Variants in CCDC178 observed in about 807,000 individuals in gnomAD.
CCDC178 encodes coiled-coil domain containing 178, also known as coiled-coil domain-containing protein 178.
A neutral mutation model predicts 117.4 loss-of-function variants in CCDC178; 126 were observed. That is an observed-to-expected ratio of 1.07 (90% CI 0.93 to 1.24). The LOEUF (loss-of-function observed/expected upper bound fraction) is 1.24, where lower values mean the gene tolerates loss of function less well. CCDC178 is among the 50% of genes most tolerant of loss of function. The probability of loss-of-function intolerance (pLI) is 0.00; values close to 1 mark genes in which losing one functional copy is unlikely to be tolerated. For synonymous variants in CCDC178, 283 were observed against 313.4 expected (o/e 0.90, Z 1.02); for missense variants, 1,030 against 986.9 (o/e 1.04, Z -0.59).
At chr18:33,241,841 A>G (rs1004978613) in intron 15 of CCDC178, among the ~76,000 whole-genome samples, 4 of 151,792 alleles carry the variant, frequency 2.6e-5, no homozygotes, top group Non-Finnish European at 5.9e-5. Flanking sequence ...TAACCATACT[A>G]TTCAAATCAA....
At chr18:33,192,258 A>G (rs1193322271) in intron 20 of CCDC178, among the ~76,000 whole-genome samples, 1 of 152,200 alleles carries the variant, frequency 6.6e-6, no homozygotes, top group Non-Finnish European at 1.5e-5. Context: ...TATGAATTCA[A>G]TAAAAATACA....
intron 14 of CCDC178, among the ~76,000 whole-genome samples, chr18:33,262,616 T>G (rs1022981093): frequency 6.6e-6 from 1 of 152,028 alleles, no homozygotes; most frequent in Non-Finnish European, 1.5e-5. Context: ...GCCTGCCACA[T>G]AAAAACACGT....
intron 5 of CCDC178, among the ~76,000 whole-genome samples, chr18:33,389,267 G>T (rs953783489): frequency 6.6e-6 from 1 of 151,936 alleles, no homozygotes; most frequent in Non-Finnish European, 1.5e-5. Flanking sequence ...TCTAGAACAG[G>T]CCAGTCACAG....
At chr18:33,258,292 T>C (rs2059703053) in intron 14 of CCDC178, among the ~76,000 whole-genome samples, 2 of 152,082 alleles carry the variant, frequency 1.3e-5, no homozygotes, top group Non-Finnish European at 2.9e-5. Flanking sequence ...ACCCCTCTCA[T>C]ACAATTTTCT....
At chr18:33,057,609 A>G (rs966409034) in intron 21 of CCDC178, among the ~76,000 whole-genome samples, 1 of 152,076 alleles carries the variant, frequency 6.6e-6, no homozygotes, top group African/African-American at 2.4e-5. Flanking sequence ...CTTCTGTCTC[A>G]GCCTCCTGAG....
intron 22 of CCDC178, among the ~76,000 whole-genome samples, chr18:32,949,711 G>T (rs2054437437): frequency 6.6e-6 from 1 of 151,926 alleles, no homozygotes. Flanking sequence ...TTAATTGATT[G>T]GTTTTTCTCT....
intron 22 of CCDC178, among the ~76,000 whole-genome samples, chr18:32,963,160 G>A (rs927704090): frequency 1.3e-5 from 2 of 152,006 alleles, no homozygotes; most frequent in Non-Finnish European, 2.9e-5. Context: ...CATGGAGGAC[G>A]AAGTTTGACA....
At chr18:33,162,504 G>C (rs2058477697) in intron 20 of CCDC178, among the ~76,000 whole-genome samples, 1 of 152,006 alleles carries the variant, frequency 6.6e-6, no homozygotes, top group South Asian at 2.1e-4. Context: ...ATGTCACAGA[G>C]GTTTGTTGTA....
intron 15 of CCDC178, among the ~76,000 whole-genome samples, chr18:33,234,662 A>T (rs1476693721): frequency 6.6e-6 from 1 of 152,102 alleles, no homozygotes; most frequent in Non-Finnish European, 1.5e-5. Context: ...TTTTTTGAGC[A>T]TATTGACAAT....
chr18:33,179,079 ATATAT>A lies in CCDC178; in HGVS notation c.2238+32812_2238+32816del, dbSNP rs1372544975. On this transcript the variant is annotated intron_variant, in intron 20 of 22. Coordinates refer to ENST00000383096, the MANE Select transcript of CCDC178 (RefSeq NM_001105528.4). Reference sequence around the variant, plus strand: ...CTCAGTAAAAAAAAAAAAAAAAAAAATATATATATATATATATATATATATATATA... The same window carrying A: ...CTCAGTAAAAAAAAAAAAAAAAAAAAATATATATATATATATATATATATA... Among the ~76,000 whole-genome samples the A allele has an allele frequency of 2.4e-3, 106 of 43,838 alleles. 5 individuals carry two copies. The highest frequency in any genetic ancestry group is 7.0e-3 in the African/African-American group (42 of 5,964). 28.8% of individuals were successfully genotyped at this position (43,838 alleles called of 152,430 possible).
At position 33,162,102 on chromosome 18, in the gene CCDC178, TG is replaced by T. The variant is rs2058471842; in HGVS notation, c.2238+49793del. On this transcript the variant is annotated intron_variant, in intron 20 of 22. Transcript: ENST00000383096. ...CAAGGACAGAAAACCAAACACCGCA[TG>T]TTCTCACTCATAGGTGGGAACTGAA... Among the ~76,000 whole-genome samples, 5 of 152,230 alleles carry T rather than the reference TG, an allele frequency of 3.3e-5. No homozygotes were observed. In the South Asian group the frequency reaches 8.3e-4, roughly 25 times the overall value.
At chr18:33,217,939 A>G (rs1216700584) in intron 18 of CCDC178, among the ~76,000 whole-genome samples, 2 of 152,102 alleles carry the variant, frequency 1.3e-5, no homozygotes, top group African/African-American at 4.8e-5. Context: ...CTCAACTGTA[A>G]GATAGAGGTA....
chr18:33,325,615 A>C (rs932414518), intron 10 of CCDC178, among the ~76,000 whole-genome samples: 3 of 152,176 alleles, frequency 2.0e-5, no homozygotes, highest in African/African-American at 7.2e-5. Context: ...ATCATACGCA[A>C]GTGCAGTATC....
At position 33,119,008 on chromosome 18, in the gene CCDC178, C is replaced by T. The variant is rs189136345; in HGVS notation, c.2239-26098G>A. 7.2e-5 allele frequency among the ~76,000 whole-genome samples: 11 copies of T among 152,200 alleles called. No homozygotes were observed. The East Asian group carries it at 2.1e-3, about 29-fold the overall frequency. ...ATATGTAGAAAGCTGAAACTGGATC[C>T]CTTCCTTACACCTTATACAAAAATT... is the stretch of plus-strand genomic sequence containing the variant. On this transcript the variant is annotated intron_variant, in intron 20 of 22. Transcript: ENST00000383096.
intron 21 of CCDC178, among the ~76,000 whole-genome samples, chr18:33,060,113 A>C (rs2056898852): frequency 6.6e-6 from 1 of 152,012 alleles, no homozygotes; most frequent in African/African-American, 2.4e-5. Context: ...CTTTTTTGTG[A>C]AGTCTTAAAT....
chr18:33,062,324 T>C (rs958840364), intron 21 of CCDC178, among the ~76,000 whole-genome samples: 1 of 152,138 alleles, frequency 6.6e-6, no homozygotes, highest in Middle Eastern at 3.4e-3. Context: ...GAGAAAAAAA[T>C]TGGTTAAACT....
chr18:33,261,287 G>T (rs1444059745), intron 14 of CCDC178, among the ~76,000 whole-genome samples: 2 of 152,094 alleles, frequency 1.3e-5, no homozygotes, highest in African/African-American at 2.4e-5. Flanking sequence ...GTTTCACCGT[G>T]TTAGCCAGGA....
rs115372265 is a variant in CCDC178, at chr18:33,149,645, A to G, written c.2239-56735T>C. ...GTGAAGGGCCATATGCTGTATAATG[A>G]GGTCTCCATCTCCCTTCCCTCCTCC... is the stretch of plus-strand genomic sequence containing the variant. On this transcript the variant is annotated intron_variant, in intron 20 of 22. Transcript: ENST00000383096. Among the ~76,000 whole-genome samples the G allele has an allele frequency of 4.0e-3, 603 of 152,288 alleles. 2 individuals are homozygous for G. The highest frequency in any genetic ancestry group is 0.014 in the African/African-American group (568 of 41,554).
intron 3 of CCDC178, among the ~76,000 whole-genome samples, chr18:33,411,102 T>C (rs555292515): frequency 6.6e-5 from 10 of 152,182 alleles, no homozygotes; most frequent in Non-Finnish European, 1.5e-4. Flanking sequence ...AGCAGAACCA[T>C]CCAGCCGACT....
Sources: allele counts gnomAD v4.1 joint callset (sites outside exome capture counted in the v4.1 genomes callset), GRCh38; gene constraint gnomAD v4.1.1; transcripts MANE v1.5; gene names NCBI Gene and HGNC (gene_info 2026-07-23, HGNC 2026-07-21).